Variants in ARPC5 observed in about 807,000 individuals in gnomAD.
ARPC5 encodes the protein actin-related protein 2/3 complex subunit 5.
Under a neutral mutation model 15.4 loss-of-function variants are expected in ARPC5, and 5 were observed. The ratio of observed to expected loss-of-function variants is 0.32; its 90% CI spans 0.17 to 0.68. The LOEUF (loss-of-function observed/expected upper bound fraction) is 0.68. Ranked by LOEUF, ARPC5 falls within the 30% of genes least tolerant of loss-of-function variation. The probability of loss-of-function intolerance (pLI) is 0.71; values close to 1 mark genes in which losing one functional copy is unlikely to be tolerated. For synonymous variants in ARPC5, 85 were observed against 72.2 expected, an observed-to-expected ratio of 1.18 and a Z score of -0.90; for missense variants, 138 against 192.8, an observed-to-expected ratio of 0.72 and a Z score of 1.68.
intron 3 of ARPC5, among the ~76,000 whole-genome samples, chr1:183,630,064 A>G (rs1211663503): frequency 1.3e-5 from 2 of 152,218 alleles, no homozygotes; most frequent in Non-Finnish European, 2.9e-5. Context: ...TCAGAATGTC[A>G]TTCCTTTTAA....
In ARPC5 at chr1:183,621,173, T is replaced by C. The variant is rs984578690; in HGVS notation, c.*6359A>G. The stretch of plus-strand genomic sequence containing the variant: ...AGGTAAAGGGGTGGGAAAACATGCA[T>C]TCTTCTACACGGCTGGAGAAAGTAT... On this transcript the variant is annotated 3_prime_UTR_variant, in exon 4 of 4. Transcript: ENST00000359856. 8 of 152,204 alleles carry C rather than the reference T, an allele frequency of 5.3e-5. No homozygotes were observed. Among genetic ancestry groups the C allele is most frequent in the African/African-American group, 1.7e-4 (7 of 41,454 alleles). 9.4% of individuals were successfully genotyped at this position (152,204 alleles called of 1,614,324 possible). A position where few individuals can be genotyped will look rare whatever the true frequency, so the allele number is the denominator to read the frequency against.
chr1:183,623,277 T>A lies in ARPC5; in HGVS notation c.*4255A>T. ...AAGAGATGTAAACATAGATTATTTA[T>A]GTTGATTACTCTTACACACTCAAGT... On this transcript the variant is annotated 3_prime_UTR_variant, in exon 4 of 4. Transcript: ENST00000359856. 1.4e-6 allele frequency: 1 copy of A among 723,482 alleles called. No homozygotes were observed. The highest frequency in any genetic ancestry group is 2.3e-6 in the Non-Finnish European group (1 of 434,088). 44.8% of individuals were successfully genotyped at this position (723,482 alleles called of 1,614,324 possible).
Position 183,635,501 on chromosome 1 carries a change from G to T in ARPC5, c.143+16C>A. 6.2e-7 allele frequency: 1 copy of T among 1,602,428 alleles called. No homozygotes were observed. Among genetic ancestry groups the T allele is most frequent in the African/African-American group, 1.3e-5 (1 of 74,780 alleles). ...GGGCTGGGCTGGGGTGGGGAGGGCG[G>T]TGAATGCAAGGATATTGCCGCAGGC... On this transcript the variant is annotated intron_variant, in intron 1 of 3. Transcript: ENST00000359856.
chr1:183,621,410 T>C lies in ARPC5; in HGVS notation c.*6122A>G, dbSNP rs776143329. 2 of 152,228 alleles carry C rather than the reference T, an allele frequency of 1.3e-5. No individual in the cohort carries two copies. The highest frequency in any genetic ancestry group is 2.4e-5 in the African/African-American group (1 of 41,462). 9.4% of individuals were successfully genotyped at this position (152,228 alleles called of 1,614,324 possible). On this transcript the variant is annotated 3_prime_UTR_variant, in exon 4 of 4. Transcript: ENST00000359856. ...AATAGGGAAATGGTTAAGTAAATTA[T>C]GGTACATTTATTTATATAATAGAAT...
rs972116672 is a variant in ARPC5 at position 183,623,178 on chromosome 1, T to C, written c.*4354A>G. ...ACGGGAGTTTTAGAATGCTTTGGAA[T>C]TCAGGTGGGTCATACACTACTCAAT... On this transcript the variant is annotated 3_prime_UTR_variant, in exon 4 of 4. Coordinates refer to ENST00000359856, the MANE Select transcript of ARPC5 (RefSeq NM_005717.4). 8.0e-6 allele frequency: 4 copies of C among 497,900 alleles called. No individual in the cohort carries two copies. The highest frequency in any genetic ancestry group is 3.3e-5 in the Admixed American group (1 of 30,234). 30.8% of individuals were successfully genotyped at this position (497,900 alleles called of 1,614,324 possible).
intron 3 of ARPC5, among the ~76,000 whole-genome samples, chr1:183,628,172 CAAAAAAAAAAAAAAA>C (rs3068220): frequency 1.4e-3 from 66 of 46,040 alleles, no homozygotes; most frequent in Non-Finnish European, 2.4e-3. Context: ...GACTCCGTCT[CAAAAAAAAAAAAAAA>C]AAAAAAAAAA....
At chr1:183,629,176 T>A (rs1572197304) in intron 3 of ARPC5, among the ~76,000 whole-genome samples, 1 of 152,368 alleles carries the variant, frequency 6.6e-6, no homozygotes. Context: ...CCTCCATTTT[T>A]ATGAGGATTA....
At position 183,627,461 on chromosome 1, in the gene ARPC5, G is replaced by T; in HGVS notation, c.*71C>A. On this transcript the variant is annotated 3_prime_UTR_variant, in exon 4 of 4. Coordinates refer to ENST00000359856, the MANE Select transcript of ARPC5 (RefSeq NM_005717.4). ...CAGATGCTACCCACAGGGCAGCGGT[G>T]GCATTTGGTTGTTTTGGTCTTTGTA... The T allele has an allele frequency of 1.5e-6, 2 of 1,296,208 alleles. No homozygotes were observed. The highest frequency in any genetic ancestry group is 2.2e-6 in the Non-Finnish European group (2 of 890,634). The allele number at this position is 1,296,208 out of a possible 1,614,324, so 80.3% of individuals were successfully genotyped here. A position where few individuals can be genotyped will look rare whatever the true frequency, so the allele number is the denominator to read the frequency against.
Position 183,621,527 on chromosome 1 carries a change from T to C in ARPC5, c.*6005A>G, listed in dbSNP as rs1301493236. On this transcript the variant is annotated 3_prime_UTR_variant, in exon 4 of 4. Coordinates refer to ENST00000359856, the MANE Select transcript of ARPC5 (RefSeq NM_005717.4). ...TTCTTGGATCTCACACAAGAAAGAA[T>C]TCAAGGCCAGTCTGTAAAGTTAAAG... is the stretch of plus-strand genomic sequence containing the variant. 6.6e-6 allele frequency: 1 copy of C among 152,230 alleles called. No homozygotes were observed. The highest frequency in any genetic ancestry group is 1.9e-4 in the East Asian group (1 of 5,204). The allele number at this position is 152,230 out of a possible 1,614,324, so 9.4% of individuals were successfully genotyped here. A position where few individuals can be genotyped will look rare whatever the true frequency, so the allele number is the denominator to read the frequency against.
chr1:183,622,759 T>C lies in ARPC5; in HGVS notation c.*4773A>G, dbSNP rs1011764470. 6.6e-6 allele frequency: 1 copy of C among 152,412 alleles called. No homozygotes were observed. Among genetic ancestry groups the C allele is most frequent in the Non-Finnish European group, 1.5e-5 (1 of 68,180 alleles). 9.4% of individuals were successfully genotyped at this position (152,412 alleles called of 1,614,324 possible). A position where few individuals can be genotyped will look rare whatever the true frequency, so the allele number is the denominator to read the frequency against. ...CTATAGGGGCTGCACGTGGTACTCA[T>C]GGTGGCTCTGATTTCCACCTAAGGC... On this transcript the variant is annotated 3_prime_UTR_variant, in exon 4 of 4. Transcript: ENST00000359856.
rs114589757 is a variant in ARPC5, at chr1:183,631,752, T to C, written c.217-1115A>G. On this transcript the variant is annotated intron_variant, in intron 2 of 3. Transcript: ENST00000359856. Reference sequence around the variant, plus strand: ...GACTGTAATTTATATGAATTGACTGTAGATATGAAATATAGTGATGTTCAT... The same window carrying C: ...GACTGTAATTTATATGAATTGACTGCAGATATGAAATATAGTGATGTTCAT... 2.6e-5 allele frequency: 4 copies of C among 152,342 alleles called. 1 individual carries two copies. Among genetic ancestry groups the C allele is most frequent in the African/African-American group, 9.6e-5 (4 of 41,576 alleles). 9.4% of individuals were successfully genotyped at this position (152,342 alleles called of 1,614,324 possible). A position where few individuals can be genotyped will look rare whatever the true frequency, so the allele number is the denominator to read the frequency against.
At chr1:183,632,652 CTG>C (rs1649299144) in intron 2 of ARPC5, 1 of 153,122 alleles carries the variant, frequency 6.5e-6, no homozygotes, top group African/African-American at 2.4e-5. Flanking sequence ...ACTGTTATCT[CTG>C]GGTGCTGGGA....
chr1:183,627,642 A>T, intron 3 of ARPC5, 48 bp from the exon 4 acceptor site: 3 of 1,454,450 alleles, frequency 2.1e-6, no homozygotes, highest in Non-Finnish European at 2.9e-6. Flanking sequence ...TAAAAGGTCA[A>T]TTCTCATATT....
intron 3 of ARPC5, among the ~76,000 whole-genome samples, chr1:183,629,575 G>T (rs1014629045): frequency 6.6e-6 from 1 of 152,132 alleles, no homozygotes; most frequent in East Asian, 1.9e-4. Flanking sequence ...ATGTTATCCA[G>T]TTTTTTACCC....
intron 2 of ARPC5, chr1:183,631,280 A>C (rs1421912505): frequency 6.6e-6 from 1 of 152,016 alleles, no homozygotes; most frequent in East Asian, 1.9e-4. Flanking sequence ...TCTTAAAAAA[A>C]AAAAATCCCA....
At chr1:183,628,172 CAAAAAAAA>C (rs3068220) in intron 3 of ARPC5, among the ~76,000 whole-genome samples, 5 of 46,068 alleles carry the variant, frequency 1.1e-4, no homozygotes, top group South Asian at 1.1e-3. Flanking sequence ...GACTCCGTCT[CAAAAAAAA>C]AAAAAAAAAA....
chr1:183,631,928 C>A (rs1296157200), intron 2 of ARPC5: 1 of 152,210 alleles, frequency 6.6e-6, no homozygotes. Flanking sequence ...AGCATTCCTA[C>A]TGGTCAGGAT....
At chr1:183,628,262 A>G (rs1295235911) in intron 3 of ARPC5, among the ~76,000 whole-genome samples, 1 of 151,166 alleles carries the variant, frequency 6.6e-6, no homozygotes, top group Non-Finnish European at 1.5e-5. Flanking sequence ...CATTCTCACC[A>G]CATAGTCAGA....
chr1:183,628,075 A>C (rs1279814789), intron 3 of ARPC5, among the ~76,000 whole-genome samples: 1 of 146,436 alleles, frequency 6.8e-6, no homozygotes, highest in Non-Finnish European at 1.5e-5. Context: ...CGGGAGGCTG[A>C]GGCAGGACAA....
Sources: gnomAD v4.1 joint callset for allele counts (sites outside exome capture counted in the v4.1 genomes callset) on GRCh38, gnomAD v4.1.1 for gene constraint, MANE v1.5 for transcripts, NCBI Gene and HGNC (gene_info 2026-07-23, HGNC 2026-07-21) for gene names.